RYR3: variants seen among roughly 807,000 people sequenced by gnomAD.
The protein encoded by RYR3 is brain ryanodine receptor-calcium release channel.
RYR3 carries 207 observed loss-of-function variants against 584.3 expected under a neutral mutation model. The ratio of observed to expected loss-of-function variants is 0.35; its 90% CI spans 0.32 to 0.40. RYR3 has a LOEUF of 0.40. Ranked by LOEUF, RYR3 falls within the 10% of genes least tolerant of loss-of-function variation. The probability of loss-of-function intolerance (pLI) is 1.00; values close to 1 mark genes in which losing one functional copy is unlikely to be tolerated. For synonymous variants in RYR3, 2,416 were observed against 2,248.5 expected (o/e 1.07, Z -2.11); for missense variants, 5,616 against 6,089.2 (o/e 0.92, Z 2.59).
intron 74 of RYR3, 192 bp downstream of exon 74, chr15:33,813,771 T>A: frequency 1.9e-6 from 1 of 530,224 alleles, no homozygotes; most frequent in South Asian, 2.5e-5. Context: ...TGAAACCAGA[T>A]GAGATTCTCT....
chr15:33,622,977 A>G (rs2060801138), intron 19 of RYR3, among the ~76,000 whole-genome samples: 2 of 152,206 alleles, frequency 1.3e-5, no homozygotes, highest in South Asian at 2.1e-4. Context: ...CTGAATTACA[A>G]TATTGAAAGA....
At chr15:33,560,716 G>T (rs1488773402) in intron 10 of RYR3, among the ~76,000 whole-genome samples, 1 of 151,990 alleles carries the variant, frequency 6.6e-6, no homozygotes, top group Non-Finnish European at 1.5e-5. Context: ...GAATATTTCT[G>T]CAGTGAAAAT....
intron 3 of RYR3, 64 bp downstream of exon 3, chr15:33,503,802 A>C (rs1200052541): frequency 1.1e-6 from 1 of 928,766 alleles, no homozygotes; most frequent in East Asian, 2.6e-5. Context: ...AATACGTTCT[A>C]CATTTCATCC....
At chr15:33,678,050 A>T (rs184111544) in intron 38 of RYR3, among the ~76,000 whole-genome samples, 1 of 152,316 alleles carries the variant, frequency 6.6e-6, no homozygotes, top group East Asian at 1.9e-4. Context: ...AAGGGCCATC[A>T]TCGTTGGGGA....
At chr15:33,671,685 G>C (rs2063843192) in intron 38 of RYR3, among the ~76,000 whole-genome samples, 1 of 152,012 alleles carries the variant, frequency 6.6e-6, no homozygotes, top group Admixed American at 6.5e-5. Flanking sequence ...GTGAGTTTAG[G>C]CTCCCTTTGT....
intron 47 of RYR3, among the ~76,000 whole-genome samples, chr15:33,730,542 C>A (rs57791959): frequency 3.3e-5 from 5 of 152,094 alleles, no homozygotes; most frequent in Non-Finnish European, 7.3e-5. Context: ...TTTATAGGAA[C>A]AATGAGACAT....
chr15:33,352,383 C>A lies in RYR3; in HGVS notation c.51+41287C>A, dbSNP rs139582343. Among the ~76,000 whole-genome samples the A allele has an allele frequency of 8.1e-3, 1,226 of 152,044 alleles. 23 individuals carry two copies. Among genetic ancestry groups the A allele is most frequent in the African/African-American group, 0.028 (1,153 of 41,460 alleles). On this transcript the variant is annotated intron_variant, in intron 1 of 103. Transcript: ENST00000634891. ...TAGCTCTGAGAATTAGGGTTGAATT[C>A]TTCTGGTGCTAGGTGAGATCAATTA...
intron 9 of RYR3, 102 bp downstream of exon 9, chr15:33,548,306 C>G: frequency 2.9e-6 from 2 of 691,640 alleles, no homozygotes; most frequent in Middle Eastern, 5.3e-4. Context: ...TGGCAAACTC[C>G]TTCAAGTCCT....
chr15:33,432,668 T>TGTGTGTGTGTGTGTGTGTGTGTGTGTGTG (rs113646851), intron 1 of RYR3, among the ~76,000 whole-genome samples: 1 of 132,142 alleles, frequency 7.6e-6, no homozygotes, highest in African/African-American at 3.2e-5. Context: ...GCCTAGCTAA[T>TGTGTGTGTGTGTGTGTGTGTGTGTGTGTG]TGTGTGTGTG....
chr15:33,426,296 A>G (rs961503303), intron 1 of RYR3, among the ~76,000 whole-genome samples: 1 of 152,142 alleles, frequency 6.6e-6, no homozygotes, highest in Non-Finnish European at 1.5e-5. Flanking sequence ...AATTTTTTTT[A>G]AGAAAACGTG....
At chr15:33,660,575 C>T (rs557587065) in intron 34 of RYR3, among the ~76,000 whole-genome samples, 152 bp downstream of exon 34, 132 of 152,330 alleles carry the variant, frequency 8.7e-4, no homozygotes, top group African/African-American at 3.0e-3. Flanking sequence ...TCTATTCCTT[C>T]CCACTTTCAT....
intron 100 of RYR3, 43 bp from the exon 101 acceptor site, chr15:33,860,552 A>C (rs1161229567): frequency 8.1e-7 from 1 of 1,238,258 alleles, no homozygotes; most frequent in South Asian, 1.6e-5. Context: ...TCTACCCCTG[A>C]ACCACTACAC....
chr15:33,711,546 A>T (rs2067126221), intron 43 of RYR3, among the ~76,000 whole-genome samples: 1 of 152,192 alleles, frequency 6.6e-6, no homozygotes, highest in Non-Finnish European at 1.5e-5. Context: ...CCCGGCTACC[A>T]GGCCACTTCT....
At chr15:33,503,363 T>A (rs898524190) in intron 2 of RYR3, among the ~76,000 whole-genome samples, 3 of 147,640 alleles carry the variant, frequency 2.0e-5, no homozygotes, top group Admixed American at 6.6e-5. Context: ...AGGCTATATC[T>A]GTGTTCTTCC....
intron 67 of RYR3, among the ~76,000 whole-genome samples, chr15:33,799,134 T>C (rs542649020): frequency 6.6e-6 from 1 of 152,336 alleles, no homozygotes; most frequent in African/African-American, 2.4e-5. Context: ...GCTCTTCATC[T>C]CTGCTTCCTG....
rs753533203 is a variant in RYR3, at chr15:33,659,704, T to G, written c.4309-16T>G. ...TCCAGCTCTGGGCAAAGCTTTCGAT[T>G]TGTTTTGATTTCCAGGTGGAGCCTA... On this transcript the variant is annotated splice_polypyrimidine_tract_variant and intron_variant, in intron 32 of 103. Transcript: ENST00000634891. 5 of 1,571,808 alleles carry G rather than the reference T, an allele frequency of 3.2e-6. No individual in the cohort carries two copies. The Admixed American group carries it at 8.3e-5, about 26-fold the overall frequency.
intron 1 of RYR3, among the ~76,000 whole-genome samples, chr15:33,428,559 G>C (rs1017866194): frequency 1.3e-5 from 2 of 152,030 alleles, no homozygotes; most frequent in African/African-American, 4.8e-5. Flanking sequence ...AAATACCCAC[G>C]TGGAAACAAA....
chr15:33,810,320 C>T (rs971211578), intron 70 of RYR3, among the ~76,000 whole-genome samples, 159 bp from the exon 71 acceptor site: 2 of 152,152 alleles, frequency 1.3e-5, no homozygotes, highest in African/African-American at 4.8e-5. Context: ...CTACCTAATT[C>T]GTCTTTGTTC....
chr15:33,357,650 G>A (rs901037826), intron 1 of RYR3, among the ~76,000 whole-genome samples: 1 of 152,138 alleles, frequency 6.6e-6, no homozygotes, highest in Non-Finnish European at 1.5e-5. Context: ...TGCCTATGGA[G>A]TAGCCATTCT....
Sources: gnomAD v4.1 joint callset for allele counts (sites outside exome capture counted in the v4.1 genomes callset) on GRCh38, gnomAD v4.1.1 for gene constraint, MANE v1.5 for transcripts, NCBI Gene and HGNC (gene_info 2026-07-23, HGNC 2026-07-21) for gene names.